DGAT2: variants seen among roughly 807,000 people sequenced by gnomAD.
DGAT2 encodes acyl-CoA retinol O-fatty-acyltransferase.
In DGAT2, 33 loss-of-function variants were observed where a neutral mutation model predicts 48.4. The observed-to-expected ratio is 0.68, with a 90% CI of 0.52 to 0.91. The LOEUF (loss-of-function observed/expected upper bound fraction) is 0.91, where lower values mean the gene tolerates loss of function less well. Among genes scored for constraint, DGAT2 ranks in the 40% least tolerant of loss-of-function variants. DGAT2 has a pLI of 0.00. For missense variants in DGAT2, 446 were observed against 493.7 expected (o/e 0.90, Z 0.92); for synonymous variants, 191 against 194.1 (o/e 0.98, Z 0.13).
chr11:75,783,068 C>T (rs532277110), intron 1 of DGAT2, among the ~76,000 whole-genome samples: 1 of 152,224 alleles, frequency 6.6e-6, no homozygotes, highest in Middle Eastern at 3.2e-3. Context: ...TGGAATGGCT[C>T]TATGGCCCAG....
intron 2 of DGAT2, 70 bp from the exon 3 acceptor site, chr11:75,790,118 C>T (rs1203069155): frequency 2.6e-6 from 3 of 1,154,652 alleles, no homozygotes; most frequent in African/African-American, 3.0e-5. Flanking sequence ...TAAACACTCA[C>T]TCCATCCACC....
At position 75,797,258 on chromosome 11, in the gene DGAT2, G is replaced by C; in HGVS notation, c.735G>C (p.Leu245=). Residue 245 remains leucine (L), a synonymous_variant, in exon 6 of 8, where the codon CTG becomes CTC. Coordinates refer to ENST00000228027, the MANE Select transcript of DGAT2 (RefSeq NM_032564.5). ...TGGTCGGGGGTGCGGCTGAGTCTCT[G>C]AGCTCCATGCCTGGCAAGAATGCAG... is the stretch of plus-strand genomic sequence containing the variant. ...IIVVGGAAES[L]SSMPGKNAVT... is the part of the protein sequence containing the mutation. 1 of 1,581,098 alleles carries C rather than the reference G, an allele frequency of 6.3e-7. No homozygotes were observed. The highest frequency in any genetic ancestry group is 8.6e-7 in the Non-Finnish European group (1 of 1,163,712).
chr11:75,784,528 A>G, intron 1 of DGAT2, 90 bp from the exon 2 acceptor site: 1 of 1,544,666 alleles, frequency 6.5e-7, no homozygotes, highest in Non-Finnish European at 8.8e-7. Flanking sequence ...TCATATCTAG[A>G]AGGGTACCTG....
At chr11:75,798,157 G>A in intron 6 of DGAT2, 70 bp from the exon 7 acceptor site, 1 of 1,532,712 alleles carries the variant, frequency 6.5e-7, no homozygotes, top group Non-Finnish European at 9.0e-7. Context: ...CAGTGTCCAG[G>A]GCCTCTAGGC....
chr11:75,772,857 G>C (rs1472646830), intron 1 of DGAT2, among the ~76,000 whole-genome samples: 1 of 152,136 alleles, frequency 6.6e-6, no homozygotes, highest in Non-Finnish European at 1.5e-5. Flanking sequence ...AGGTGTGGTG[G>C]TGTGTGCCTG....
chr11:75,796,544 C>A lies in DGAT2; in HGVS notation c.634+12C>A. The A allele has an allele frequency of 6.2e-7, 1 of 1,609,710 alleles. No individual in the cohort carries two copies. The highest frequency in any genetic ancestry group is 1.3e-5 in the African/African-American group (1 of 74,954). ...CCTGATGTCTGGAGGTAAGAATCCA[C>A]CCCCTGTGCTCCTGCTGGGCACTGT... On this transcript the variant is annotated intron_variant, in intron 5 of 7. Coordinates refer to ENST00000228027, the MANE Select transcript of DGAT2 (RefSeq NM_032564.5).
chr11:75,780,739 G>A (rs1365628772), intron 1 of DGAT2, among the ~76,000 whole-genome samples: 1 of 152,246 alleles, frequency 6.6e-6, no homozygotes, highest in Non-Finnish European at 1.5e-5. Context: ...CCTGAAGGTT[G>A]GGCCTGAATT....
At chr11:75,799,137 C>T (rs1945086609) in intron 7 of DGAT2, among the ~76,000 whole-genome samples, 1 of 152,194 alleles carries the variant, frequency 6.6e-6, no homozygotes, top group African/African-American at 2.4e-5. Flanking sequence ...AGATCCTTTG[C>T]GTTCCTAGGC....
chr11:75,771,358 A>C (rs1590861474), intron 1 of DGAT2, among the ~76,000 whole-genome samples: 1 of 152,060 alleles, frequency 6.6e-6, no homozygotes, highest in Non-Finnish European at 1.5e-5. Flanking sequence ...CTTCGTTCAG[A>C]AGAGCCCTCT....
intron 4 of DGAT2, chr11:75,795,903 C>G (rs1301470688): frequency 6.0e-6 from 1 of 168,020 alleles, no homozygotes; most frequent in African/African-American, 2.4e-5. Context: ...TTGCCAAACT[C>G]AGGAACTTGG....
At chr11:75,797,065 C>A in intron 5 of DGAT2, 93 bp from the exon 6 acceptor site, 1 of 1,308,008 alleles carries the variant, frequency 7.6e-7, no homozygotes, top group Non-Finnish European at 1.0e-6. Flanking sequence ...GGCCCAGGTC[C>A]AGGGTTCTTT....
intron 1 of DGAT2, chr11:75,773,805 A>G (rs10219339): frequency 0.12 from 17,986 of 152,284 alleles, 1,196 homozygotes; most frequent in East Asian, 0.23. Flanking sequence ...ATGACAGGAA[A>G]GACTGCCAAG....
At chr11:75,796,622 C>A in intron 5 of DGAT2, 90 bp downstream of exon 5, 2 of 1,374,122 alleles carry the variant, frequency 1.5e-6, no homozygotes, top group African/African-American at 1.4e-5. Flanking sequence ...AGCCAACACA[C>A]CATTCCTTGG....
chr11:75,779,300 A>G (rs571335102), intron 1 of DGAT2, among the ~76,000 whole-genome samples: 70 of 152,292 alleles, frequency 4.6e-4, no homozygotes, highest in African/African-American at 1.6e-3. Flanking sequence ...ATGTTCCTGA[A>G]GTCCAGGTGT....
At chr11:75,778,088 A>G (rs898368295) in intron 1 of DGAT2, among the ~76,000 whole-genome samples, 2 of 152,102 alleles carry the variant, frequency 1.3e-5, no homozygotes, top group Non-Finnish European at 2.9e-5. Context: ...TATGTGCTCT[A>G]TGCCTTGGGT....
rs1285872462 is a variant in DGAT2, at chr11:75,784,689, G to T, written c.193G>T (p.Glu65Ter). 8 of 1,613,998 alleles carry T rather than the reference G, an allele frequency of 5.0e-6. No individual in the cohort carries two copies. Among genetic ancestry groups the T allele is most frequent in the Non-Finnish European group, 4.2e-6 (5 of 1,180,004 alleles). ...SVTWLNRSKV[E>*]KQLQVISVLQ... ...CACCTGGCTCAATAGGTCCAAGGTG[G>T]AAAAGCAGCTACAGGTCATCTCAGT... Residue 65 changes from glutamate (E) to a stop codon, truncating the protein, a stop_gained, in exon 2 of 8, where the codon GAA becomes TAA. Coordinates refer to ENST00000228027, the MANE Select transcript of DGAT2 (RefSeq NM_032564.5). LOFTEE classifies it high-confidence loss of function.
intron 1 of DGAT2, among the ~76,000 whole-genome samples, chr11:75,778,464 G>A (rs1944824873): frequency 6.6e-6 from 1 of 152,160 alleles, no homozygotes; most frequent in Admixed American, 6.5e-5. Flanking sequence ...TTCCCACTCT[G>A]GAGATGGGAG....
chr11:75,790,849 CT>C (rs1351792382), intron 4 of DGAT2, 118 bp downstream of exon 4: 1 of 1,005,774 alleles, frequency 9.9e-7, no homozygotes, highest in African/African-American at 1.6e-5. Context: ...CATTTCCTTT[CT>C]ACTGTGTCAC....
At chr11:75,775,139 C>A (rs12363764) in intron 1 of DGAT2, among the ~76,000 whole-genome samples, 1 of 152,246 alleles carries the variant, frequency 6.6e-6, no homozygotes, top group South Asian at 2.1e-4. Context: ...TTTGTGGATT[C>A]TAGCAGAGCA....
Sources: allele counts gnomAD v4.1 joint callset (sites outside exome capture counted in the v4.1 genomes callset), GRCh38; gene constraint gnomAD v4.1.1; transcripts MANE v1.5; gene names NCBI Gene and HGNC (gene_info 2026-07-23, HGNC 2026-07-21).